Variants in DNAH8 observed in about 807,000 individuals in gnomAD.
The protein encoded by DNAH8 is axonemal beta dynein heavy chain 8.
In DNAH8, 382 loss-of-function variants were observed where a neutral mutation model predicts 562.1. That is an observed-to-expected ratio of 0.68 (90% CI 0.63 to 0.74). The LOEUF (loss-of-function observed/expected upper bound fraction) is 0.74. DNAH8 is among the 30% of genes least tolerant of loss of function. The pLI is 0.00. For synonymous variants in DNAH8, 1,881 were observed against 1,919.4 expected (o/e 0.98, Z 0.52); for missense variants, 5,203 against 5,620.4 (o/e 0.93, Z 2.37).
Position 39,011,938 on chromosome 6 carries a change from G to A in DNAH8, c.13372-277G>A, listed in dbSNP as rs557579727. 1.6e-4 allele frequency among the ~76,000 whole-genome samples: 25 copies of A among 152,132 alleles called. No homozygotes were observed. In the South Asian group the frequency reaches 4.4e-3, roughly 27 times the overall value. On this transcript the variant is annotated intron_variant, in intron 89 of 92. Transcript: ENST00000327475. ...ACTTAATCATGTGAAAGGAGAAAAA[G>A]GTACAATTTTATTTCAGCTCTTTAA... is the stretch of plus-strand genomic sequence containing the variant.
chr6:38,995,415 T>C (rs1583532728), intron 88 of DNAH8, among the ~76,000 whole-genome samples: 1 of 152,332 alleles, frequency 6.6e-6, no homozygotes, highest in East Asian at 1.9e-4. Context: ...AATGTTATAT[T>C]TGCTTTGTAA....
At position 38,971,646 on chromosome 6, in the gene DNAH8, T is replaced by G. The variant is rs1031144268; in HGVS notation, c.12506T>G (p.Ile4169Ser). ...QGQEVHARKL[I>S]QMSMQQGGWV... The stretch of plus-strand genomic sequence containing the variant: ...CAAGAAGTACATGCTCGAAAGCTGA[T>G]TCAGATGTCAATGCAGCAGGTATGT... The change falls in exon 83 of 93, where the codon ATT becomes AGT. Residue 4169 changes from isoleucine (I) to serine (S), a missense_variant. This residue lies in a region of DNAH8 where 1,399 missense variants were observed against 1,518.4 expected (regional missense o/e 0.92). Coordinates refer to ENST00000327475, the MANE Select transcript of DNAH8 (RefSeq NM_001206927.2). The G allele has an allele frequency of 1.1e-5, 17 of 1,601,936 alleles. No individual in the cohort carries two copies. The highest frequency in any genetic ancestry group is 1.4e-5 in the Non-Finnish European group (16 of 1,174,740).
chr6:38,781,458 T>C, intron 16 of DNAH8, 85 bp downstream of exon 16: 2 of 1,465,848 alleles, frequency 1.4e-6, no homozygotes, highest in East Asian at 4.9e-5. Context: ...TTTGTGTGCA[T>C]TAAAGTAGCC....
intron 53 of DNAH8, among the ~76,000 whole-genome samples, chr6:38,879,938 T>G (rs1025086896): frequency 3.9e-5 from 6 of 152,066 alleles, no homozygotes; most frequent in Non-Finnish European, 7.3e-5. Context: ...GAATACCAGT[T>G]AAAATAGAAC....
intron 83 of DNAH8, among the ~76,000 whole-genome samples, chr6:38,973,286 G>A (rs1483602390): frequency 6.6e-6 from 1 of 152,144 alleles, no homozygotes; most frequent in Non-Finnish European, 1.5e-5. Context: ...CCAGTCTTCT[G>A]GGTTTTGGGG....
intron 10 of DNAH8, among the ~76,000 whole-genome samples, chr6:38,760,914 A>G (rs912417091): frequency 2.8e-4 from 43 of 152,116 alleles, no homozygotes; most frequent in African/African-American, 8.9e-4. Context: ...TTCTCTATAA[A>G]TTACCCATTC....
intron 80 of DNAH8, 37 bp downstream of exon 80, chr6:38,945,625 G>A: frequency 6.2e-7 from 1 of 1,611,632 alleles, no homozygotes. Flanking sequence ...GTGCAGATCT[G>A]CAAACCCAAA....
chr6:38,951,497 C>G lies in DNAH8; in HGVS notation c.12428C>G (p.Ala4143Gly). The change falls in exon 82 of 93, where the codon GCA (alanine) becomes GGA (glycine). Residue 4143 changes from alanine to glycine, a missense_variant. Transcript: ENST00000327475. ...MGSDPTNQID[A>G]LAKKLKLECR... ...TCTGACCCCACCAATCAAATTGATG[C>G]ATTGGCCAAGAAACTGAAACTGGGT... is the stretch of plus-strand genomic sequence containing the variant. 6.2e-7 allele frequency: 1 copy of G among 1,613,956 alleles called. No homozygotes were observed. Among genetic ancestry groups the G allele is most frequent in the Non-Finnish European group, 8.5e-7 (1 of 1,179,910 alleles).
At chr6:38,838,239 A>G (rs1209797370) in intron 33 of DNAH8, among the ~76,000 whole-genome samples, 197 bp downstream of exon 33, 1 of 152,206 alleles carries the variant, frequency 6.6e-6, no homozygotes, top group Non-Finnish European at 1.5e-5. Context: ...CTAGGGGAGT[A>G]AAAAATATGT....
rs770326525 is a variant in DNAH8 at position 38,909,564 on chromosome 6, T to C, written c.9560T>C (p.Ile3187Thr). 6.2e-7 allele frequency: 1 copy of C among 1,614,020 alleles called. No homozygotes were observed. The highest frequency in any genetic ancestry group is 1.3e-5 in the African/African-American group (1 of 74,936). Residue 3187 changes from isoleucine to threonine, a missense_variant, in exon 65 of 93, where the codon ATA (isoleucine) becomes ACA (threonine). Physicochemically the swap from Ile to Thr is moderately conservative, Grantham distance 89. Coordinates refer to ENST00000327475, the MANE Select transcript of DNAH8 (RefSeq NM_001206927.2). Reference sequence around the variant, plus strand: ...CGTTCTTTGAAATTTCCTGGCTTGATATCAGGTTGCACTATGGACTGGTTC... The same window carrying C: ...CGTTCTTTGAAATTTCCTGGCTTGACATCAGGTTGCACTATGGACTGGTTC... ...RARSLKFPGL[I>T]SGCTMDWFSR...
chr6:38,913,911 A>G lies in DNAH8; in HGVS notation c.9922A>G (p.Lys3308Glu), dbSNP rs1781096909. 7 of 1,613,268 alleles carry G rather than the reference A, an allele frequency of 4.3e-6. No homozygotes were observed. Among genetic ancestry groups the G allele is most frequent in the African/African-American group, 2.7e-5 (2 of 74,890 alleles). Residue 3308 changes from lysine to glutamate, a missense_variant, in exon 67 of 93, where the codon AAG (lysine) becomes GAG (glutamate). By Grantham distance (56) the Lys-to-Glu change is moderately conservative. Around this residue, in one of 6 missense-constraint regions of DNAH8, gnomAD observed 977 missense variants for 1,061.8 expected, o/e 0.92. Transcript: ENST00000327475. ...TAAACTCTCTCAGGATCTTGCAGTC[A>G]AGGAGAAGGAGTTGGCAGTGGCTTC... ...VAKLSQDLAV[K>E]EKELAVASIK...
chr6:38,821,281 G>A (rs887357399), intron 26 of DNAH8, among the ~76,000 whole-genome samples: 1 of 152,154 alleles, frequency 6.6e-6, no homozygotes, highest in Non-Finnish European at 1.5e-5. Flanking sequence ...TTTAACAGAA[G>A]TATAAGGTCT....
intron 8 of DNAH8, among the ~76,000 whole-genome samples, chr6:38,742,822 G>A (rs1764623974): frequency 6.6e-6 from 1 of 151,942 alleles, no homozygotes; most frequent in African/African-American, 2.4e-5. Flanking sequence ...TGGTATGTAT[G>A]TGTGAGTTTA....
chr6:38,806,089 G>A (rs1051645272), intron 23 of DNAH8, among the ~76,000 whole-genome samples: 1 of 152,146 alleles, frequency 6.6e-6, no homozygotes, highest in Non-Finnish European at 1.5e-5. Context: ...AATGTGTTGA[G>A]AATGAAGGTT....
chr6:38,823,056 T>C, intron 27 of DNAH8, 22 bp downstream of exon 27: 1 of 1,548,930 alleles, frequency 6.5e-7, no homozygotes, highest in Non-Finnish European at 8.7e-7. Context: ...CTACTTGTGA[T>C]GTTGTTTGGG....
intron 72 of DNAH8, chr6:38,923,404 G>A (rs1332727602): frequency 2.2e-6 from 1 of 445,838 alleles, no homozygotes; most frequent in Non-Finnish European, 3.8e-6. Context: ...CAGTATGAGA[G>A]TGCTTTTGAT....
At chr6:38,939,500 C>T (rs1783260590) in intron 79 of DNAH8, among the ~76,000 whole-genome samples, 1 of 152,152 alleles carries the variant, frequency 6.6e-6, no homozygotes, top group South Asian at 2.1e-4. Flanking sequence ...ACCACGCTAG[C>T]TTTGGGGATG....
intron 64 of DNAH8, 118 bp downstream of exon 64, chr6:38,908,238 A>ATG: frequency 1.7e-6 from 1 of 579,350 alleles, no homozygotes; most frequent in Non-Finnish European, 2.8e-6. Context: ...ATTGAATTAA[A>ATG]ATTAACACTT....
chr6:38,858,303 C>A (rs1160947950), intron 42 of DNAH8, among the ~76,000 whole-genome samples: 1 of 152,148 alleles, frequency 6.6e-6, no homozygotes, highest in Non-Finnish European at 1.5e-5. Context: ...CATTTAACTC[C>A]TATTGCTTTA....
Sources: gnomAD v4.1 joint callset for allele counts (sites outside exome capture counted in the v4.1 genomes callset) on GRCh38, gnomAD v4.1.1 for gene constraint, gnomAD v4.1.1 regional missense constraint, MANE v1.5 for transcripts, NCBI Gene and HGNC (gene_info 2026-07-23, HGNC 2026-07-21) for gene names.